The following SNED1 variants were observed in gnomAD, a reference collection of about 807,000 sequenced individuals.
SNED1 encodes sushi, nidogen and EGF-like domain-containing protein 1.
A neutral mutation model predicts 166.7 loss-of-function variants in SNED1; 81 were observed. The ratio of observed to expected loss-of-function variants is 0.49; its 90% CI spans 0.41 to 0.58. SNED1 has a LOEUF of 0.58. Ranked by LOEUF, SNED1 falls within the 20% of genes least tolerant of loss-of-function variation. SNED1 has a pLI of 0.00. For synonymous variants in SNED1, 762 were observed against 822.0 expected, an observed-to-expected ratio of 0.93 and a Z score of 1.25; for missense variants, 1,604 against 2,000.2, an observed-to-expected ratio of 0.80 and a Z score of 3.78.
intron 8 of SNED1, chr2:241,040,883 T>C (rs1175387099): frequency 4.3e-6 from 2 of 466,506 alleles, no homozygotes; most frequent in African/African-American, 4.0e-5. Context: ...GTTTAACTGC[T>C]AGTTGTGACT....
chr2:241,059,529 A>G (rs1034199749), intron 16 of SNED1, among the ~76,000 whole-genome samples: 6 of 152,230 alleles, frequency 3.9e-5, no homozygotes, highest in Non-Finnish European at 8.8e-5. Context: ...AGACACAACA[A>G]TCCAAACAAA....
intron 1 of SNED1, among the ~76,000 whole-genome samples, chr2:241,027,572 A>G (rs953403508): frequency 2.0e-5 from 3 of 152,024 alleles, no homozygotes; most frequent in African/African-American, 7.3e-5. Flanking sequence ...TTCGTTATAG[A>G]CCCAGAAGTG....
intron 8 of SNED1, among the ~76,000 whole-genome samples, chr2:241,047,146 CAA>C (rs59981303): frequency 0.12 from 7,868 of 67,820 alleles, 480 homozygotes; most frequent in African/African-American, 0.29. Flanking sequence ...GAGACTCTGT[CAA>C]AAAAAAAAAA....
At chr2:241,087,356 ACTGT>A in intron 29 of SNED1, 32 bp from the exon 30 acceptor site, 1 of 1,559,158 alleles carries the variant, frequency 6.4e-7, no homozygotes, top group Non-Finnish European at 8.7e-7. Flanking sequence ...ATTTTGCTTC[ACTGT>A]CTGGTTTTAC....
intron 2 of SNED1, among the ~76,000 whole-genome samples, chr2:241,033,045 T>A (rs2061237488): frequency 6.6e-6 from 1 of 152,258 alleles, no homozygotes. Flanking sequence ...TGAACAAACA[T>A]CACACTTAAA....
chr2:241,058,082 C>T (rs1261065604), intron 16 of SNED1, among the ~76,000 whole-genome samples: 1 of 151,792 alleles, frequency 6.6e-6, no homozygotes, highest in Non-Finnish European at 1.5e-5. Context: ...TAAGACTATA[C>T]AAAGAATGAA....
At chr2:241,011,495 ACCCGCACTGTTCCT>A (rs1355032123) in intron 1 of SNED1, among the ~76,000 whole-genome samples, 2 of 152,144 alleles carry the variant, frequency 1.3e-5, no homozygotes, top group East Asian at 3.9e-4. Context: ...GAGGGACTAA[ACCCGCACTGTTCCT>A]CTACGAGTGC....
intron 1 of SNED1, among the ~76,000 whole-genome samples, chr2:241,008,666 C>T (rs1290050262): frequency 6.6e-6 from 1 of 152,260 alleles, no homozygotes; most frequent in African/African-American, 2.4e-5. Context: ...CAAAGCAGGG[C>T]AAGTCATTCA....
At position 241,088,373 on chromosome 2, in the gene SNED1, G is replaced by A; in HGVS notation, c.4214G>A (p.Ser1405Asn). Reference protein sequence around the residue: ...SLKKTPNRKQSKSQTLEKS With the variant: ...SLKKTPNRKQNKSQTLEKS Reference sequence around the variant, plus strand: ...TTCTCTAATTATTTCAGGAAACAAAGTAAGAGTCAGACACTGGAGAAATCT... The same window carrying A: ...TTCTCTAATTATTTCAGGAAACAAAATAAGAGTCAGACACTGGAGAAATCT... The change falls in exon 31 of 32, where the codon AGT becomes AAT. Residue 1405 changes from serine to asparagine, a missense_variant. Physicochemically the swap from Ser to Asn is conservative, Grantham distance 46. Around this residue, in one of 2 missense-constraint regions of SNED1, gnomAD observed 367 missense variants for 379.4 expected, o/e 0.97. Coordinates refer to ENST00000310397, the MANE Select transcript of SNED1 (RefSeq NM_001080437.3). 6.2e-7 allele frequency: 1 copy of A among 1,610,320 alleles called. No individual in the cohort carries two copies. Among genetic ancestry groups the A allele is most frequent in the Non-Finnish European group, 8.5e-7 (1 of 1,176,630 alleles).
rs375012619 is a variant in SNED1, at chr2:241,071,623, C to G, written c.3637C>G (p.Pro1213Ala). The G allele has an allele frequency of 8.4e-5, 134 of 1,586,686 alleles. No individual in the cohort carries two copies. The highest frequency in any genetic ancestry group is 1.0e-4 in the Non-Finnish European group (120 of 1,173,902). ...DRRWHQGGHHPRVLKNRPPPA... is the reference protein window; with the variant it reads ...DRRWHQGGHHARVLKNRPPPA... Reference sequence around the variant, plus strand: ...ACGCTGGCACCAGGGAGGACACCACCCTCGGGTGCTCAAGAACAGACCGCC... The same window carrying G: ...ACGCTGGCACCAGGGAGGACACCACGCTCGGGTGCTCAAGAACAGACCGCC... Residue 1213 changes from proline to alanine, a missense_variant, in exon 25 of 32, where the codon CCT (proline) becomes GCT (alanine). Physicochemically the swap from Pro to Ala is conservative, Grantham distance 27. Transcript: ENST00000310397.
At chr2:241,085,860 CTTTTTTTTTTTTTTT>C (rs772995766) in intron 29 of SNED1, among the ~76,000 whole-genome samples, 1 of 79,160 alleles carries the variant, frequency 1.3e-5, no homozygotes, top group African/African-American at 5.1e-5. Flanking sequence ...TCTGCGGTTT[CTTTTTTTTTTTTTTT>C]TTTTTTTTTG....
chr2:241,016,793 A>G lies in SNED1; in HGVS notation c.214-13491A>G, dbSNP rs148202324. Reference sequence around the variant, plus strand: ...TATTCATTCAATTTAATGATTATATAAAAAGTTGCATTTTCTATTTCCACT... The same window carrying G: ...TATTCATTCAATTTAATGATTATATGAAAAGTTGCATTTTCTATTTCCACT... On this transcript the variant is annotated intron_variant, in intron 1 of 31. Coordinates refer to ENST00000310397, the MANE Select transcript of SNED1 (RefSeq NM_001080437.3). Among the ~76,000 whole-genome samples the G allele has an allele frequency of 2.5e-4, 38 of 152,138 alleles. No individual in the cohort carries two copies. In the East Asian group the frequency reaches 7.1e-3, roughly 29 times the overall value.
chr2:241,081,605 A>G, intron 27 of SNED1, 72 bp from the exon 28 acceptor site: 1 of 1,152,200 alleles, frequency 8.7e-7, no homozygotes, highest in South Asian at 1.3e-5. Context: ...CAAGGAAGGG[A>G]CAGCAACATG....
intron 15 of SNED1, among the ~76,000 whole-genome samples, chr2:241,052,809 C>T (rs1261310297): frequency 7.3e-6 from 1 of 136,664 alleles, no homozygotes; most frequent in Non-Finnish European, 1.5e-5. Context: ...CTGGGGGGCC[C>T]AAGCAGGGTA....
chr2:241,070,654 A>G (rs1277061372), intron 24 of SNED1, among the ~76,000 whole-genome samples: 1 of 152,244 alleles, frequency 6.6e-6, no homozygotes, highest in Non-Finnish European at 1.5e-5. Flanking sequence ...GCAGAGGCAC[A>G]GGGCAGAAGC....
At chr2:241,065,068 T>C in intron 20 of SNED1, 111 bp downstream of exon 20, 1 of 904,710 alleles carries the variant, frequency 1.1e-6, no homozygotes, top group Non-Finnish European at 1.6e-6. Context: ...CCCAGGCCCC[T>C]TCCCTGAGGA....
intron 27 of SNED1, chr2:241,074,671 G>C (rs2062937476): frequency 6.6e-6 from 1 of 152,180 alleles, no homozygotes; most frequent in Non-Finnish European, 1.5e-5. Context: ...ATGATTTTAA[G>C]TGATAACATG....
At chr2:241,004,094 C>T (rs567161394) in intron 1 of SNED1, among the ~76,000 whole-genome samples, 5 of 152,308 alleles carry the variant, frequency 3.3e-5, no homozygotes, top group Non-Finnish European at 7.4e-5. Context: ...GTGAGGCTGG[C>T]CTCTGCTTGA....
rs1345375271 is a variant in SNED1 at position 240,999,818 on chromosome 2, C to T, written c.213+768C>T. Among the ~76,000 whole-genome samples, 1 of 152,142 alleles carries T rather than the reference C, an allele frequency of 6.6e-6. No homozygotes were observed. Among genetic ancestry groups the T allele is most frequent in the Non-Finnish European group, 1.5e-5 (1 of 67,996 alleles). On this transcript the variant is annotated intron_variant, in intron 1 of 31. Coordinates refer to ENST00000310397, the MANE Select transcript of SNED1 (RefSeq NM_001080437.3). This position sits in a 1 kb window ranked among gnomAD's most constrained non-coding sequence, Gnocchi z 5.8. ...ATGGCAGCCCAGGGAATGAAATGCA[C>T]CTGGTAACTGCATGGAGCACTCGCC...
Sources: gnomAD v4.1 joint callset for allele counts (sites outside exome capture counted in the v4.1 genomes callset) on GRCh38, gnomAD v4.1.1 for gene constraint, gnomAD v4.1.1 regional missense constraint, Gnocchi (gnomAD v3.1) non-coding constraint, MANE v1.5 for transcripts, NCBI Gene and HGNC (gene_info 2026-07-23, HGNC 2026-07-21) for gene names.